Variants in SLC26A4 observed in about 807,000 individuals in gnomAD.
SLC26A4 encodes solute carrier family 26 member 4, also known as pendrin.
A neutral mutation model predicts 90.4 loss-of-function variants in SLC26A4; 93 were observed. The observed-to-expected ratio is 1.03, with a 90% CI of 0.87 to 1.22. The LOEUF is 1.22. SLC26A4 is among the 50% of genes most tolerant of loss of function. The pLI, the probability that SLC26A4 is intolerant of heterozygous loss-of-function variation, is 0.00. For synonymous variants in SLC26A4, 393 were observed against 354.6 expected (o/e 1.11, Z -1.22); for missense variants, 1,127 against 946.2 (o/e 1.19, Z -2.51).
chr7:107,686,267 T>C lies in SLC26A4; in HGVS notation c.1001+2730T>C, dbSNP rs146691481. ...CTTTCATTCTCTTTCTTTCTTCCCTTCCTTCCCTCCCTTCCCTCCCTTTCC... is the reference window on the plus strand; with the variant it reads ...CTTTCATTCTCTTTCTTTCTTCCCTCCCTTCCCTCCCTTCCCTCCCTTTCC... On this transcript the variant is annotated intron_variant, in intron 8 of 20. Coordinates refer to ENST00000644269, the MANE Select transcript of SLC26A4 (RefSeq NM_000441.2). Among the ~76,000 whole-genome samples the C allele has an allele frequency of 7.8e-3, 1,102 of 141,886 alleles. 12 individuals are homozygous for C. The highest frequency in any genetic ancestry group is 0.027 in the African/African-American group (1,021 of 37,400). The allele number at this position is 141,886 out of a possible 152,430, so 93.1% of individuals were successfully genotyped here.
At chr7:107,715,066 T>TAAAAAAAA (rs543905042) in intron 20 of SLC26A4, among the ~76,000 whole-genome samples, 1 of 98,676 alleles carries the variant, frequency 1.0e-5, no homozygotes, top group Non-Finnish European at 2.1e-5. Flanking sequence ...CCATCTCTAC[T>TAAAAAAAA]AAAAAAAAAA....
intron 3 of SLC26A4, among the ~76,000 whole-genome samples, chr7:107,666,740 G>A (rs1186006508): frequency 6.6e-6 from 1 of 152,132 alleles, no homozygotes; most frequent in East Asian, 1.9e-4. Flanking sequence ...GTGGGGGAGG[G>A]TGAGTAAACC....
intron 8 of SLC26A4, among the ~76,000 whole-genome samples, chr7:107,685,244 T>C (rs918065689): frequency 7.2e-5 from 11 of 152,158 alleles, no homozygotes; most frequent in Admixed American, 7.2e-4. Flanking sequence ...CAAGCCTATG[T>C]CATTATAAAC....
chr7:107,686,266 T>TCCC (rs1440199876), intron 8 of SLC26A4, among the ~76,000 whole-genome samples: 38 of 146,870 alleles, frequency 2.6e-4, no homozygotes, highest in African/African-American at 8.9e-4. Context: ...CTTTCTTCCC[T>TCCC]TCCTTCCCTC....
At chr7:107,677,089 A>T (rs1584309965) in intron 6 of SLC26A4, among the ~76,000 whole-genome samples, 1 of 152,176 alleles carries the variant, frequency 6.6e-6, no homozygotes, top group African/African-American at 2.4e-5. Context: ...AGGTGAGAGG[A>T]TCACCTGAGC....
At chr7:107,677,301 C>T (rs1024086474) in intron 6 of SLC26A4, among the ~76,000 whole-genome samples, 4 of 152,210 alleles carry the variant, frequency 2.6e-5, no homozygotes, top group African/African-American at 9.7e-5. Context: ...GATGTTTATA[C>T]TCAACTTCCC....
At chr7:107,695,786 C>T (rs529470586) in intron 12 of SLC26A4, 147 bp from the exon 13 acceptor site, 18 of 633,606 alleles carry the variant, frequency 2.8e-5, no homozygotes, top group South Asian at 2.8e-4. Flanking sequence ...GCACTCCAGC[C>T]TGGGCAATAG....
chr7:107,669,405 A>G (rs1161552838), intron 3 of SLC26A4, among the ~76,000 whole-genome samples: 1 of 152,204 alleles, frequency 6.6e-6, no homozygotes, highest in Non-Finnish European at 1.5e-5. Flanking sequence ...CAGGCATATT[A>G]AGAACTGCAG....
At chr7:107,682,369 G>A (rs1266816113) in intron 6 of SLC26A4, among the ~76,000 whole-genome samples, 1 of 151,442 alleles carries the variant, frequency 6.6e-6, no homozygotes, top group Admixed American at 6.6e-5. Flanking sequence ...ATTCAATTCA[G>A]CTTTAGGAAT....
intron 10 of SLC26A4, chr7:107,693,487 C>A: frequency 1.0e-6 from 1 of 985,426 alleles, no homozygotes. Flanking sequence ...ACAAAATCTT[C>A]CCAGTTGTTT....
intron 3 of SLC26A4, among the ~76,000 whole-genome samples, chr7:107,666,164 A>G (rs1410381813): frequency 6.6e-6 from 1 of 152,220 alleles, no homozygotes; most frequent in Admixed American, 6.5e-5. Context: ...ATAGATTGCA[A>G]TATCTATTGT....
At chr7:107,701,348 T>C (rs891288688) in intron 16 of SLC26A4, 152 bp downstream of exon 16, 41 of 662,162 alleles carry the variant, frequency 6.2e-5, no homozygotes, top group Non-Finnish European at 9.6e-5. Flanking sequence ...GCTATTCTTA[T>C]AGGCAAGCGG....
intron 20 of SLC26A4, 30 bp from the exon 21 acceptor site, chr7:107,715,393 C>A (rs764327342): frequency 2.5e-5 from 40 of 1,600,226 alleles, no homozygotes; most frequent in Non-Finnish European, 3.0e-5. Flanking sequence ...TCAGTTGTAT[C>A]AACACTTTGT....
At chr7:107,679,793 G>T (rs1014509713) in intron 6 of SLC26A4, among the ~76,000 whole-genome samples, 1 of 140,634 alleles carries the variant, frequency 7.1e-6, no homozygotes, top group South Asian at 2.1e-4. Context: ...TTTCTATGTC[G>T]TTAAATATAA....
Position 107,700,023 on chromosome 7 carries a change from T to C in SLC26A4, c.1615-60T>C. On this transcript the variant is annotated intron_variant, in intron 14 of 20. Coordinates refer to ENST00000644269, the MANE Select transcript of SLC26A4 (RefSeq NM_000441.2). ...TGACTCCTTGCTAAGTAGCCAGAAA[T>C]GTAATTAAATACTTGAGGCTTGAAA... The C allele has an allele frequency of 1.2e-5, 12 of 984,426 alleles. No individual in the cohort carries two copies. In the South Asian group the frequency reaches 1.4e-4, roughly 12 times the overall value. The allele number at this position is 984,426 out of a possible 1,614,324, so 61.0% of individuals were successfully genotyped here. A position where few individuals can be genotyped will look rare whatever the true frequency, so the allele number is the denominator to read the frequency against.
intron 17 of SLC26A4, 42 bp downstream of exon 17, chr7:107,702,099 C>T: frequency 7.5e-7 from 1 of 1,332,992 alleles, no homozygotes; most frequent in Non-Finnish European, 1.1e-6. Context: ...GGAGCTTTGG[C>T]AATAGTAAAA....
chr7:107,709,907 G>A (rs374195709), intron 18 of SLC26A4, 147 bp from the exon 19 acceptor site: 1 of 655,656 alleles, frequency 1.5e-6, no homozygotes, highest in Non-Finnish European at 2.7e-6. Context: ...GAGGTGGGGG[G>A]ATCACTTGAA....
intron 10 of SLC26A4, chr7:107,691,775 T>C (rs1791584563): frequency 9.7e-7 from 1 of 1,035,170 alleles, no homozygotes; most frequent in East Asian, 1.0e-4. Flanking sequence ...TCTTAATTTT[T>C]TATTTTTTTT....
intron 8 of SLC26A4, among the ~76,000 whole-genome samples, chr7:107,686,766 A>T (rs1791434113): frequency 6.6e-6 from 1 of 152,108 alleles, no homozygotes; most frequent in African/African-American, 2.4e-5. Flanking sequence ...AGGCACTGTT[A>T]TAGACCCCTT....
Sources: gnomAD v4.1 joint callset for allele counts (sites outside exome capture counted in the v4.1 genomes callset) on GRCh38, gnomAD v4.1.1 for gene constraint, MANE v1.5 for transcripts, NCBI Gene and HGNC (gene_info 2026-07-23, HGNC 2026-07-21) for gene names.